COL17A1: variants seen among roughly 807,000 people sequenced by gnomAD.
COL17A1 encodes the protein collagen type XVII alpha 1 chain, also known as collagen alpha-1(XVII) chain.
Under a neutral mutation model 218.4 loss-of-function variants are expected in COL17A1, and 181 were observed. The ratio of observed to expected loss-of-function variants is 0.83; its 90% CI spans 0.73 to 0.94. COL17A1 has a LOEUF of 0.94. Among genes scored for constraint, COL17A1 ranks in the 40% least tolerant of loss-of-function variants. The probability of loss-of-function intolerance (pLI) is 0.00; values close to 1 mark genes in which losing one functional copy is unlikely to be tolerated. For missense variants in COL17A1, 1,924 were observed against 1,945.9 expected (o/e 0.99, Z 0.21); for synonymous variants, 721 against 731.0 (o/e 0.99, Z 0.22).
At chr10:104,046,470 G>A (rs2086410944) in intron 32 of COL17A1, among the ~76,000 whole-genome samples, 1 of 152,148 alleles carries the variant, frequency 6.6e-6, no homozygotes. Flanking sequence ...TATGAGCTTG[G>A]GGTTCCTCTC....
Position 104,070,505 on chromosome 10 carries a change from G to C in COL17A1, c.528C>G (p.Thr176=). 6.2e-7 allele frequency: 1 copy of C among 1,614,154 alleles called. No homozygotes were observed. The highest frequency in any genetic ancestry group is 8.5e-7 in the Non-Finnish European group (1 of 1,180,020). Residue 176 remains threonine, a synonymous_variant, in exon 9 of 56, where the codon ACC becomes ACG. Coordinates refer to ENST00000648076, the MANE Select transcript of COL17A1 (RefSeq NM_000494.4). ...KGSRSASVSP[T]RNSSNTLPIP... ...TGGGGAGTGTGTTGGAGGAATTCCG[G>C]GTGGGGCTCACACTTGCCGATCGAC... is the stretch of plus-strand genomic sequence containing the variant.
chr10:104,070,733 T>G (rs1033793367), intron 8 of COL17A1, among the ~76,000 whole-genome samples, 164 bp from the exon 9 acceptor site: 1 of 152,224 alleles, frequency 6.6e-6, no homozygotes, highest in Non-Finnish European at 1.5e-5. Context: ...ATTTTACTAA[T>G]GAATAGCACT....
chr10:104,053,902 GA>G lies in COL17A1; in HGVS notation c.1834+17del. On this transcript the variant is annotated intron_variant, in intron 22 of 55. Transcript: ENST00000648076. ...AAAGAATGAGGAATAAATGAATAAA[GA>G]AAAATGTGTTTCTTACCCACGCTGC... 3 of 1,465,134 alleles carry G rather than the reference GA, an allele frequency of 2.0e-6. No homozygotes were observed. Among genetic ancestry groups the G allele is most frequent in the Non-Finnish European group, 1.9e-6 (2 of 1,046,086 alleles). The allele number at this position is 1,465,134 out of a possible 1,614,324, so 90.8% of individuals were successfully genotyped here. A position where few individuals can be genotyped will look rare whatever the true frequency, so the allele number is the denominator to read the frequency against.
chr10:104,059,680 C>T lies in COL17A1; in HGVS notation c.1180G>A (p.Ala394Thr), dbSNP rs2086564397. The change falls in exon 15 of 56, where the codon GCT becomes ACT. Residue 394 changes from alanine (A) to threonine (T), a missense_variant. Physicochemically the swap from Ala to Thr is moderately conservative, Grantham distance 58. Coordinates refer to ENST00000648076, the MANE Select transcript of COL17A1 (RefSeq NM_000494.4). Reference sequence around the variant, plus strand: ...AGGCCTGAGTCAGCATTGTAGGCAGCTTGCTTTTCTTTTTTTAGGGTGTCT... The same window carrying T: ...AGGCCTGAGTCAGCATTGTAGGCAGTTTGCTTTTCTTTTTTTAGGGTGTCT... ...SEDTLKKEKQ[A>T]AYNADSGLKA... 6.2e-7 allele frequency: 1 copy of T among 1,614,232 alleles called. No homozygotes were observed. Among genetic ancestry groups the T allele is most frequent in the African/African-American group, 1.3e-5 (1 of 75,062 alleles).
At position 104,085,720 on chromosome 10, in the gene COL17A1, T is replaced by C. The variant is rs1345964758; in HGVS notation, c.-12+3A>G. 4 of 152,684 alleles carry C rather than the reference T, an allele frequency of 2.6e-5. No individual in the cohort carries two copies. Among genetic ancestry groups the C allele is most frequent in the Non-Finnish European group, 5.9e-5 (4 of 68,044 alleles). 9.5% of individuals were successfully genotyped at this position (152,684 alleles called of 1,614,324 possible). A position where few individuals can be genotyped will look rare whatever the true frequency, so the allele number is the denominator to read the frequency against. On this transcript the variant is annotated splice_donor_region_variant and intron_variant, in intron 1 of 55. Transcript: ENST00000648076. ...AGAAAGGTCAGTCTTCCTGTTTACT[T>C]ACCTGGTTTGAGGTTTTGAAGGAAT...
At chr10:104,077,317 A>C in intron 4 of COL17A1, 105 bp downstream of exon 4, 1 of 848,114 alleles carries the variant, frequency 1.2e-6, no homozygotes, top group South Asian at 1.4e-5. Context: ...CCTTTTGTGC[A>C]CTGATTCAAA....
In COL17A1 at chr10:104,064,580, A is replaced by G; in HGVS notation, c.624T>C (p.Asp208=). The change falls in exon 10 of 56, where the codon GAT becomes GAC. Residue 208 remains aspartate, a synonymous_variant. Coordinates refer to ENST00000648076, the MANE Select transcript of COL17A1 (RefSeq NM_000494.4). The part of the protein sequence containing the change: ...ASSQSVSGTY[D]ATILDANLPS... ...GAAGGTTGGCATCCAGGATCGTTGC[A>G]TCGTAGGTGCCTGACACTGGAAACA... 1 of 1,613,532 alleles carries G rather than the reference A, an allele frequency of 6.2e-7. No individual in the cohort carries two copies. Among genetic ancestry groups the G allele is most frequent in the Non-Finnish European group, 8.5e-7 (1 of 1,179,754 alleles).
chr10:104,071,094 GGTGAAAA>G (rs2086665932), intron 8 of COL17A1, among the ~76,000 whole-genome samples: 1 of 152,206 alleles, frequency 6.6e-6, no homozygotes, highest in Admixed American at 6.5e-5. Context: ...TTTGTAGCAA[GGTGAAAA>G]GTGGAGCAAG....
intron 35 of COL17A1, among the ~76,000 whole-genome samples, chr10:104,042,960 G>A (rs2086375243): frequency 6.6e-6 from 1 of 152,154 alleles, no homozygotes; most frequent in Non-Finnish European, 1.5e-5. Flanking sequence ...TGAAACCACA[G>A]AGCAGGCATT....
intron 9 of COL17A1, among the ~76,000 whole-genome samples, chr10:104,068,093 C>T (rs1303793797): frequency 6.6e-6 from 1 of 152,006 alleles, no homozygotes; most frequent in Non-Finnish European, 1.5e-5. Context: ...TCGGCAGGGC[C>T]CTGGTAGTGA....
chr10:104,054,096 A>G lies in COL17A1; in HGVS notation c.1767T>C (p.Thr589=), dbSNP rs756397047. The change falls in exon 21 of 56, where the codon ACT becomes ACC. Residue 589 remains threonine, a synonymous_variant. Transcript: ENST00000648076. ...AGGTCATCAGAGAGTACATACCTGG[A>G]GTCCCAGGGAACCCTCGATCTCCTG... is the stretch of plus-strand genomic sequence containing the variant. ...GPKGDRGFPG[T]PGIPGPLGHP... 6.2e-7 allele frequency: 1 copy of G among 1,612,328 alleles called. No homozygotes were observed. Among genetic ancestry groups the G allele is most frequent in the South Asian group, 1.1e-5 (1 of 90,676 alleles).
intron 35 of COL17A1, 67 bp downstream of exon 35, chr10:104,043,434 A>T: frequency 1.4e-6 from 2 of 1,411,228 alleles, no homozygotes; most frequent in Non-Finnish European, 2.0e-6. Flanking sequence ...ATCTGAAGAA[A>T]TATGGCTAGA....
chr10:104,080,211 C>T (rs2086752845), intron 2 of COL17A1, among the ~76,000 whole-genome samples: 1 of 152,030 alleles, frequency 6.6e-6, no homozygotes, highest in Non-Finnish European at 1.5e-5. Context: ...TTGGGCAGTT[C>T]CACAAAATAA....
chr10:104,077,728 TGTTTTG>T (rs2086724360), intron 3 of COL17A1, among the ~76,000 whole-genome samples: 1 of 151,940 alleles, frequency 6.6e-6, no homozygotes, highest in South Asian at 2.1e-4. Context: ...TGTTTTGTTT[TGTTTTG>T]TTTTATACAA....
chr10:104,052,288 C>T, intron 23 of COL17A1, 71 bp from the exon 24 acceptor site: 1 of 1,596,280 alleles, frequency 6.3e-7, no homozygotes, highest in African/African-American at 1.3e-5. Context: ...CTGGCACTGT[C>T]ATTTGGAGGG....
At position 104,078,574 on chromosome 10, in the gene COL17A1, G is replaced by T. The variant is rs767281533; in HGVS notation, c.65C>A (p.Thr22Lys). ...TEVTERIVTE[T>K]VTTRLTSLPP... The stretch of plus-strand genomic sequence containing the variant: ...TAAGGATGTAAGTCTTGTGGTTACT[G>T]TTTCAGTGACAACTAGAAAAAGACA... The change falls in exon 3 of 56, where the codon ACA becomes AAA. Residue 22 changes from threonine (T) to lysine (K), a missense_variant. Transcript: ENST00000648076. The T allele has an allele frequency of 1.9e-6, 3 of 1,614,160 alleles. No homozygotes were observed. Among genetic ancestry groups the T allele is most frequent in the Non-Finnish European group, 2.5e-6 (3 of 1,180,022 alleles).
chr10:104,055,044 C>A (rs779782528), intron 19 of COL17A1, 37 bp from the exon 20 acceptor site: 2 of 1,613,596 alleles, frequency 1.2e-6, no homozygotes, highest in Non-Finnish European at 1.7e-6. Context: ...TGAGATGGGG[C>A]AAGAACCCAA....
At chr10:104,043,373 C>A in intron 35 of COL17A1, 128 bp downstream of exon 35, 2 of 886,210 alleles carry the variant, frequency 2.3e-6, no homozygotes, top group Non-Finnish European at 3.7e-6. Context: ...TTTTCTCAGG[C>A]CAAACTCCTT....
In COL17A1 at chr10:104,037,785, G is replaced by A. The variant is rs534448932; in HGVS notation, c.3071-12C>T. On this transcript the variant is annotated splice_polypyrimidine_tract_variant and intron_variant, in intron 45 of 55. Coordinates refer to ENST00000648076, the MANE Select transcript of COL17A1 (RefSeq NM_000494.4). ...TCTAATACTGTCACCTGCCGACCAA[G>A]GAACAAAGCAAAGTCAAGCCTGTCC... 2 of 1,613,356 alleles carry A rather than the reference G, an allele frequency of 1.2e-6. No homozygotes were observed. Among genetic ancestry groups the A allele is most frequent in the South Asian group, 2.2e-5 (2 of 90,970 alleles).
Sources: gnomAD v4.1 joint callset for allele counts (sites outside exome capture counted in the v4.1 genomes callset) on GRCh38, gnomAD v4.1.1 for gene constraint, MANE v1.5 for transcripts, NCBI Gene and HGNC (gene_info 2026-07-23, HGNC 2026-07-21) for gene names.